The following ENOX1 variants were observed in gnomAD, a reference collection of about 807,000 sequenced individuals.
ENOX1 encodes the protein ecto-NOX disulfide-thiol exchanger 1, also known as candidate growth-related and time keeping constitutive hydroquinone (NADH) oxidase.
In ENOX1, 42 loss-of-function variants were observed where a neutral mutation model predicts 82.5. The ratio of observed to expected loss-of-function variants is 0.51; its 90% confidence interval spans 0.40 to 0.66. ENOX1 has a LOEUF of 0.66. Among genes scored for constraint, ENOX1 ranks in the 30% least tolerant of loss-of-function variants. The probability of loss-of-function intolerance (pLI) is 0.00; values close to 1 mark genes in which losing one functional copy is unlikely to be tolerated. For synonymous variants in ENOX1, 271 were observed against 282.2 expected, an observed-to-expected ratio of 0.96 and a Z score of 0.40; for missense variants, 608 against 811.6, an observed-to-expected ratio of 0.75 and a Z score of 3.05.
chr13:43,627,973 G>T (rs903473722), intron 2 of ENOX1, among the ~76,000 whole-genome samples: 1 of 151,960 alleles, frequency 6.6e-6, no homozygotes, highest in African/African-American at 2.4e-5. Flanking sequence ...GGAGAAACAC[G>T]CTGTCCTTCT....
At chr13:43,635,842 G>A (rs1200713386) in intron 2 of ENOX1, among the ~76,000 whole-genome samples, 2 of 152,048 alleles carry the variant, frequency 1.3e-5, no homozygotes, top group East Asian at 3.8e-4. Context: ...CTCAATCCAG[G>A]GGCAAAAGAA....
intron 7 of ENOX1, among the ~76,000 whole-genome samples, chr13:43,358,319 T>C (rs1269198007): frequency 6.6e-6 from 1 of 152,092 alleles, no homozygotes; most frequent in Non-Finnish European, 1.5e-5. Context: ...TCTGTGCAGG[T>C]CCACTTATAG....
At chr13:43,554,297 G>A (rs1489261680) in intron 2 of ENOX1, among the ~76,000 whole-genome samples, 1 of 152,162 alleles carries the variant, frequency 6.6e-6, no homozygotes, top group Non-Finnish European at 1.5e-5. Context: ...AGCCACATTA[G>A]GCACTTAACA....
chr13:43,616,204 A>ATATATATATATTTTT (rs1457149422), intron 2 of ENOX1, among the ~76,000 whole-genome samples: 10 of 15,310 alleles, frequency 6.5e-4, no homozygotes, highest in Non-Finnish European at 2.1e-3. Context: ...ATATATATAT[A>ATATATATATATTTTT]TTTTTTTTTT....
Position 43,322,425 on chromosome 13 carries a change from T to C in ENOX1, c.1220A>G (p.Asn407Ser), listed in dbSNP as rs2047863856. The change falls in exon 11 of 17, where the codon AAC becomes AGC. Residue 407 changes from asparagine to serine, a missense_variant. Transcript: ENST00000690772. ...EEEMEMSDDE[N>S]CDSPTKKMRV... ...CATTTTCTTTGTAGGGCTGTCACAG[T>C]TCTCATCATCAGACATTTCCATTTC... 6.2e-7 allele frequency: 1 copy of C among 1,613,988 alleles called. No homozygotes were observed. Among genetic ancestry groups the C allele is most frequent in the African/African-American group, 1.3e-5 (1 of 74,930 alleles).
At chr13:43,455,970 G>A (rs1292335556) in intron 3 of ENOX1, among the ~76,000 whole-genome samples, 1 of 152,132 alleles carries the variant, frequency 6.6e-6, no homozygotes, top group East Asian at 1.9e-4. Context: ...AATCTTGGGT[G>A]TGTCTTTATC....
chr13:43,734,162 C>CT (rs2089488500), intron 1 of ENOX1, among the ~76,000 whole-genome samples: 2 of 152,118 alleles, frequency 1.3e-5, no homozygotes, highest in South Asian at 4.1e-4. Context: ...TGATTTTAGA[C>CT]TTCTAGCCTC....
At chr13:43,389,180 T>C (rs1488954106) in intron 5 of ENOX1, among the ~76,000 whole-genome samples, 1 of 152,206 alleles carries the variant, frequency 6.6e-6, no homozygotes, top group Non-Finnish European at 1.5e-5. Context: ...GTCTCAACAG[T>C]AACTAAACGA....
chr13:43,759,097 CTTTTTTTT>C (rs3044251), intron 1 of ENOX1, among the ~76,000 whole-genome samples: 1 of 122,448 alleles, frequency 8.2e-6, no homozygotes, highest in Non-Finnish European at 1.6e-5. Flanking sequence ...TGATAAGTTT[CTTTTTTTT>C]TTTTTTTTTT....
intron 14 of ENOX1, among the ~76,000 whole-genome samples, chr13:43,259,445 T>C (rs948587121): frequency 1.3e-5 from 2 of 152,196 alleles, no homozygotes; most frequent in African/African-American, 4.8e-5. Flanking sequence ...CTTGCTGGGC[T>C]TAGTCCTGGT....
rs140481479 is a variant in ENOX1 at position 43,625,496 on chromosome 13, A to G, written c.-219+41983T>C. ...TTTTTGTTTTTGTAGACTGTCATAT[A>G]TCGAGTTTAAGAAATCCCACTATTC... On this transcript the variant is annotated intron_variant, in intron 2 of 16. Coordinates refer to ENST00000690772, the MANE Select transcript of ENOX1 (RefSeq NM_001347969.2). 6.0e-4 allele frequency among the ~76,000 whole-genome samples: 91 copies of G among 152,094 alleles called. No homozygotes were observed. The East Asian group carries it at 0.013, about 23-fold the overall frequency.
rs192305153 is a variant in ENOX1 at position 43,711,161 on chromosome 13, C to T, written c.-284-43617G>A. On this transcript the variant is annotated intron_variant, in intron 1 of 16. Coordinates refer to ENST00000690772, the MANE Select transcript of ENOX1 (RefSeq NM_001347969.2). ...TTCAATTCCCACCTAGGAGTGAGAA[C>T]ATGCGGTGTTTGGTTTTTTGTCCTT... Among the ~76,000 whole-genome samples the T allele has an allele frequency of 3.6e-3, 531 of 147,030 alleles. 6 individuals are homozygous for T. The highest frequency in any genetic ancestry group is 0.013 in the African/African-American group (511 of 39,814).
intron 1 of ENOX1, among the ~76,000 whole-genome samples, chr13:43,743,655 G>A (rs1949872208): frequency 6.6e-6 from 1 of 152,140 alleles, no homozygotes; most frequent in South Asian, 2.1e-4. Context: ...AGGTAAAGCA[G>A]GATAAGTACT....
intron 3 of ENOX1, among the ~76,000 whole-genome samples, chr13:43,445,349 T>C (rs57102950): frequency 2.0e-5 from 3 of 152,098 alleles, no homozygotes; most frequent in Non-Finnish European, 4.4e-5. Context: ...GGTCTTGATC[T>C]CCTGACCTCG....
chr13:43,464,531 C>T (rs928694340), intron 3 of ENOX1, among the ~76,000 whole-genome samples: 1 of 152,036 alleles, frequency 6.6e-6, no homozygotes, highest in Admixed American at 6.6e-5. Flanking sequence ...AAGAGCTTTG[C>T]CAATATCTGT....
chr13:43,222,079 C>T (rs979706074), intron 16 of ENOX1, among the ~76,000 whole-genome samples: 1 of 152,094 alleles, frequency 6.6e-6, no homozygotes, highest in African/African-American at 2.4e-5. Flanking sequence ...GCAGGGGACA[C>T]CTCGTGTGTT....
chr13:43,432,344 T>C (rs371848255), intron 3 of ENOX1, among the ~76,000 whole-genome samples: 11 of 152,218 alleles, frequency 7.2e-5, no homozygotes, highest in African/African-American at 2.6e-4. Context: ...TCTGGACTCA[T>C]AAGAAATAAA....
At chr13:43,245,337 T>C (rs1025665361) in intron 14 of ENOX1, among the ~76,000 whole-genome samples, 1 of 152,218 alleles carries the variant, frequency 6.6e-6, no homozygotes, top group Non-Finnish European at 1.5e-5. Flanking sequence ...CCCTTTTCCC[T>C]GACTTGGACC....
chr13:43,520,257 A>T (rs2077711664), intron 2 of ENOX1, among the ~76,000 whole-genome samples: 1 of 152,140 alleles, frequency 6.6e-6, no homozygotes, highest in South Asian at 2.1e-4. Context: ...AGTGGATCAG[A>T]AGCAAGCCCT....
Sources: gnomAD v4.1 joint callset for allele counts (sites outside exome capture counted in the v4.1 genomes callset) on GRCh38, gnomAD v4.1.1 for gene constraint, MANE v1.5 for transcripts, NCBI Gene and HGNC (gene_info 2026-07-23, HGNC 2026-07-21) for gene names.